ARHGEF7: variants seen among roughly 807,000 people sequenced by gnomAD.
ARHGEF7 encodes PAK-interacting exchange factor beta.
A neutral mutation model predicts 109.8 loss-of-function variants in ARHGEF7; 33 were observed. The ratio of observed to expected loss-of-function variants is 0.30; its 90% CI spans 0.23 to 0.40. ARHGEF7 has a LOEUF of 0.40. Ranked by LOEUF, ARHGEF7 falls within the 10% of genes least tolerant of loss-of-function variation. The probability of loss-of-function intolerance (pLI) is 1.00; values close to 1 mark genes in which losing one functional copy is unlikely to be tolerated. For synonymous variants in ARHGEF7, 458 were observed against 424.6 expected, an observed-to-expected ratio of 1.08 and a Z score of -0.97; for missense variants, 938 against 1,098.5, an observed-to-expected ratio of 0.85 and a Z score of 2.07.
At chr13:111,170,502 A>G (rs1407169734) in intron 2 of ARHGEF7, among the ~76,000 whole-genome samples, 1 of 152,098 alleles carries the variant, frequency 6.6e-6, no homozygotes, top group African/African-American at 2.4e-5. Flanking sequence ...TTTATCTCTT[A>G]TGTAGGGAAG....
At chr13:111,149,730 C>A (rs937043379) in intron 1 of ARHGEF7, among the ~76,000 whole-genome samples, 1 of 152,144 alleles carries the variant, frequency 6.6e-6, no homozygotes, top group Non-Finnish European at 1.5e-5. Flanking sequence ...TAGTTTAATT[C>A]TCAGTCATAA....
chr13:111,229,820 T>C (rs2085780970), intron 5 of ARHGEF7, among the ~76,000 whole-genome samples: 1 of 152,172 alleles, frequency 6.6e-6, no homozygotes, highest in South Asian at 2.1e-4. Flanking sequence ...GTTGGAGTGG[T>C]CCTGCTAAGC....
chr13:111,218,579 G>T (rs1000254238), intron 5 of ARHGEF7, among the ~76,000 whole-genome samples: 1 of 152,194 alleles, frequency 6.6e-6, no homozygotes, highest in South Asian at 2.1e-4. Flanking sequence ...CAGTTCCTCA[G>T]ATTCTGCTGG....
At position 111,202,773 on chromosome 13, in the gene ARHGEF7, G is replaced by GT. The variant is rs199942626; in HGVS notation, c.253-2510dup. Among the ~76,000 whole-genome samples the GT allele has an allele frequency of 5.1e-4, 77 of 152,278 alleles. 1 individual carries two copies. The East Asian group carries it at 0.014, about 27-fold the overall frequency. On this transcript the variant is annotated intron_variant, in intron 2 of 21. Transcript: ENST00000646102. The stretch of plus-strand genomic sequence containing the variant: ...TCTGTACTCAGATTTTTCTGTTTCT[G>GT]TTTTTTGTTGAATAGATTTCTATTT...
rs574448807 is a variant in ARHGEF7 at position 111,278,414 on chromosome 13, C to T, written c.1506+741C>T. On this transcript the variant is annotated intron_variant, in intron 13 of 21. Transcript: ENST00000646102. ...ACCACTGCAGCAGAAGCCGCCACTT[C>T]GTGTTCTCTGGGTTGCATTTCATTG... Among the ~76,000 whole-genome samples, 197 of 152,248 alleles carry T rather than the reference C, an allele frequency of 1.3e-3. 1 individual carries two copies. In the South Asian group the frequency reaches 0.014, roughly 11 times the overall value.
In ARHGEF7 at chr13:111,239,787, C is replaced by G. The variant is rs2087451275; in HGVS notation, c.760-4085C>G. 6.6e-6 allele frequency among the ~76,000 whole-genome samples: 1 copy of G among 151,998 alleles called. No homozygotes were observed. The highest frequency in any genetic ancestry group is 2.4e-5 in the African/African-American group (1 of 41,340). ...ATGGGATTTCCTTGCTGTATCTGGACTAAGATGATACAGATGAAGGTTGTC... is the reference window on the plus strand; with the variant it reads ...ATGGGATTTCCTTGCTGTATCTGGAGTAAGATGATACAGATGAAGGTTGTC... On this transcript the variant is annotated intron_variant, in intron 6 of 21. Transcript: ENST00000646102. This position sits in a 1 kb window ranked among gnomAD's most constrained non-coding sequence, Gnocchi z 4.3.
intron 18 of ARHGEF7, among the ~76,000 whole-genome samples, chr13:111,289,022 A>G (rs2093149286): frequency 6.6e-6 from 1 of 151,886 alleles, no homozygotes; most frequent in Non-Finnish European, 1.5e-5. Flanking sequence ...ACTTTTTTCT[A>G]TTAAGGTGGC....
At chr13:111,205,149 C>G (rs962342714) in intron 2 of ARHGEF7, 140 bp from the exon 3 acceptor site, 1 of 594,698 alleles carries the variant, frequency 1.7e-6, no homozygotes. Context: ...AGAGACTGAG[C>G]GTGCTGGTCT....
intron 2 of ARHGEF7, among the ~76,000 whole-genome samples, chr13:111,183,478 C>T (rs908648250): frequency 2.6e-5 from 4 of 152,140 alleles, no homozygotes; most frequent in African/African-American, 4.8e-5. Flanking sequence ...CCTCAGGTCT[C>T]ACACCTCCGG....
intron 5 of ARHGEF7, among the ~76,000 whole-genome samples, chr13:111,221,699 A>G (rs72653523): frequency 0.15 from 19,253 of 128,186 alleles, 1,347 homozygotes; most frequent in South Asian, 0.26. Context: ...ACCCCTTGAT[A>G]TATCTATCTG....
At chr13:111,269,496 T>A (rs578077542) in intron 9 of ARHGEF7, among the ~76,000 whole-genome samples, 1 of 152,346 alleles carries the variant, frequency 6.6e-6, no homozygotes, top group African/African-American at 2.4e-5. Context: ...TTGTCAGGTC[T>A]TAATGTACGT....
chr13:111,279,719 T>C (rs1028491537), intron 13 of ARHGEF7, among the ~76,000 whole-genome samples: 2 of 152,240 alleles, frequency 1.3e-5, no homozygotes, highest in Non-Finnish European at 2.9e-5. Flanking sequence ...TTCTTCTGTT[T>C]TCAGGGAGCA....
chr13:111,215,867 CT>C (rs990629557), intron 4 of ARHGEF7, among the ~76,000 whole-genome samples: 93 of 152,262 alleles, frequency 6.1e-4, no homozygotes, highest in African/African-American at 2.1e-3. Flanking sequence ...GACACTCCCC[CT>C]GACTGTGTAG....
chr13:111,299,286 G>A (rs1567130498), intron 19 of ARHGEF7, among the ~76,000 whole-genome samples: 1 of 150,296 alleles, frequency 6.7e-6, no homozygotes, highest in South Asian at 2.1e-4. Context: ...CCTTAACCTT[G>A]TTCTGCTCAG....
chr13:111,178,609 G>A (rs1305441671), intron 2 of ARHGEF7, among the ~76,000 whole-genome samples: 3 of 152,242 alleles, frequency 2.0e-5, no homozygotes, highest in African/African-American at 7.2e-5. Context: ...GTTTCTGACT[G>A]AGTTAGCTTG....
intron 2 of ARHGEF7, among the ~76,000 whole-genome samples, chr13:111,173,518 GC>G (rs907927986): frequency 6.6e-5 from 10 of 152,240 alleles, no homozygotes; most frequent in African/African-American, 2.4e-4. Context: ...CGTAAGCTCA[GC>G]CCCAGGATGT....
intron 8 of ARHGEF7, among the ~76,000 whole-genome samples, chr13:111,251,811 C>T (rs143833199): frequency 6.6e-6 from 1 of 152,294 alleles, no homozygotes; most frequent in African/African-American, 2.4e-5. Context: ...TTCATTCTCC[C>T]GGAACCACTC....
At chr13:111,115,782 C>G in intron 1 of ARHGEF7, 91 bp downstream of exon 1, 1 of 712,018 alleles carries the variant, frequency 1.4e-6, no homozygotes, top group Non-Finnish European at 1.8e-6. Flanking sequence ...CGGCCGCGCT[C>G]GGGAAACCCG....
intron 8 of ARHGEF7, among the ~76,000 whole-genome samples, chr13:111,249,308 A>G (rs1398023036): frequency 6.6e-6 from 1 of 152,132 alleles, no homozygotes; most frequent in Non-Finnish European, 1.5e-5. Context: ...CCTGATGCTA[A>G]CTAAAAAGTG....
Sources: gnomAD v4.1 joint callset for allele counts (sites outside exome capture counted in the v4.1 genomes callset) on GRCh38, gnomAD v4.1.1 for gene constraint, Gnocchi (gnomAD v3.1) non-coding constraint, MANE v1.5 for transcripts, NCBI Gene and HGNC (gene_info 2026-07-23, HGNC 2026-07-21) for gene names.